CNTN5: variants seen among roughly 807,000 people sequenced by gnomAD.
The protein encoded by CNTN5 is contactin 5.
A neutral mutation model predicts 129.1 loss-of-function variants in CNTN5; 77 were observed. The observed-to-expected ratio is 0.60, with a 90% confidence interval of 0.50 to 0.72. The LOEUF (loss-of-function observed/expected upper bound fraction) is 0.72, where lower values mean the gene tolerates loss of function less well. Among genes scored for constraint, CNTN5 ranks in the 30% least tolerant of loss-of-function variants. The pLI, the probability that CNTN5 is intolerant of heterozygous loss-of-function variation, is 0.00. For missense variants in CNTN5, 1,478 were observed against 1,328.8 expected (o/e 1.11, Z -1.75); for synonymous variants, 509 against 465.6 (o/e 1.09, Z -1.20).
At chr11:99,996,838 C>T (rs1056791568) in intron 8 of CNTN5, among the ~76,000 whole-genome samples, 1 of 152,088 alleles carries the variant, frequency 6.6e-6, no homozygotes, top group Non-Finnish European at 1.5e-5. Context: ...TTAAAAGTCT[C>T]AGATTTCATG....
intron 20 of CNTN5, among the ~76,000 whole-genome samples, chr11:100,306,557 G>C (rs528467339): frequency 2.6e-5 from 4 of 151,660 alleles, no homozygotes; most frequent in Non-Finnish European, 4.4e-5. Flanking sequence ...AATAGCAAAC[G>C]ATATTCAAAG....
At chr11:99,609,555 A>G (rs977349854) in intron 3 of CNTN5, among the ~76,000 whole-genome samples, 2 of 152,134 alleles carry the variant, frequency 1.3e-5, no homozygotes, top group African/African-American at 4.8e-5. Flanking sequence ...TTAGGAATTG[A>G]TTATTAGGGA....
chr11:99,448,030 A>G (rs1218959730), intron 2 of CNTN5, among the ~76,000 whole-genome samples: 3 of 152,196 alleles, frequency 2.0e-5, no homozygotes, highest in Non-Finnish European at 4.4e-5. Context: ...ATTTGCTTGA[A>G]TAAATTATTT....
chr11:99,599,233 T>A (rs138862932), intron 3 of CNTN5, among the ~76,000 whole-genome samples: 5 of 152,008 alleles, frequency 3.3e-5, no homozygotes, highest in African/African-American at 1.2e-4. Context: ...ATTGAGGAAA[T>A]TGGATTTTAT....
At chr11:100,149,903 A>AAAAAG (rs1555022275) in intron 13 of CNTN5, among the ~76,000 whole-genome samples, 3 of 150,062 alleles carry the variant, frequency 2.0e-5, no homozygotes, top group Non-Finnish European at 2.9e-5. Context: ...CAAAAAAAAA[A>AAAAAG]AAAAGAAAAG....
intron 1 of CNTN5, among the ~76,000 whole-genome samples, chr11:99,217,583 G>C (rs1860194350): frequency 6.6e-6 from 1 of 152,134 alleles, no homozygotes; most frequent in Non-Finnish European, 1.5e-5. Context: ...GATGCACTTT[G>C]AGTAGCAAGG....
intron 3 of CNTN5, among the ~76,000 whole-genome samples, chr11:99,643,114 G>A (rs1320475585): frequency 2.6e-5 from 4 of 152,126 alleles, no homozygotes; most frequent in Admixed American, 6.6e-5. Flanking sequence ...GATATATAAG[G>A]TTTTAAAAAT....
intron 3 of CNTN5, among the ~76,000 whole-genome samples, chr11:99,677,738 A>G (rs1953354625): frequency 6.6e-6 from 1 of 152,134 alleles, no homozygotes; most frequent in African/African-American, 2.4e-5. Flanking sequence ...CAGAAATGGG[A>G]TGGGTTGGTG....
At chr11:99,704,121 A>T (rs1233486955) in intron 3 of CNTN5, among the ~76,000 whole-genome samples, 1 of 150,612 alleles carries the variant, frequency 6.6e-6, no homozygotes, top group African/African-American at 2.4e-5. Context: ...TAATAAACTC[A>T]TATGGTTTTC....
chr11:99,762,041 T>G (rs1329128556), intron 3 of CNTN5, among the ~76,000 whole-genome samples: 1 of 112,442 alleles, frequency 8.9e-6, no homozygotes, highest in Non-Finnish European at 2.0e-5. Flanking sequence ...TTTCATGTGT[T>G]TTTTGGCTGC....
intron 3 of CNTN5, among the ~76,000 whole-genome samples, chr11:99,592,548 A>G (rs1407926500): frequency 6.6e-6 from 1 of 152,178 alleles, no homozygotes; most frequent in African/African-American, 2.4e-5. Context: ...GAGTTGGGGA[A>G]GTGAAACAGA....
intron 2 of CNTN5, among the ~76,000 whole-genome samples, chr11:99,382,023 C>A (rs1485966799): frequency 6.6e-6 from 1 of 151,964 alleles, no homozygotes; most frequent in Non-Finnish European, 1.5e-5. Flanking sequence ...ACTGCAAGCT[C>A]TTGAAATTAG....
chr11:99,029,287 C>G (rs1379373700), intron 1 of CNTN5, among the ~76,000 whole-genome samples: 7 of 151,580 alleles, frequency 4.6e-5, no homozygotes, highest in Admixed American at 1.3e-4. Context: ...ATCTTTAGAA[C>G]ATCAGCATTT....
chr11:99,508,756 A>G (rs916471686), intron 2 of CNTN5, among the ~76,000 whole-genome samples: 10 of 150,856 alleles, frequency 6.6e-5, no homozygotes, highest in African/African-American at 2.4e-4. Flanking sequence ...ATCTCGGCTC[A>G]CTGTAACTTC....
chr11:99,357,221 G>A (rs1470660072), intron 2 of CNTN5, among the ~76,000 whole-genome samples: 3 of 152,028 alleles, frequency 2.0e-5, no homozygotes, highest in African/African-American at 7.3e-5. Context: ...CTAACACCTT[G>A]TTGCTTCTTA....
intron 2 of CNTN5, among the ~76,000 whole-genome samples, chr11:99,462,419 G>T (rs1201450039): frequency 7.2e-6 from 1 of 138,546 alleles, no homozygotes; most frequent in African/African-American, 2.7e-5. Context: ...AATTTCTAGA[G>T]AGACTTCTTC....
chr11:99,632,653 CAT>C (rs2135807850), intron 3 of CNTN5, among the ~76,000 whole-genome samples: 1 of 152,284 alleles, frequency 6.6e-6, no homozygotes, highest in South Asian at 2.1e-4. Flanking sequence ...TAGTTTCCCA[CAT>C]ATATTTAACA....
chr11:100,064,590 C>A (rs1447212415), intron 10 of CNTN5, among the ~76,000 whole-genome samples: 1 of 152,028 alleles, frequency 6.6e-6, no homozygotes, highest in Non-Finnish European at 1.5e-5. Flanking sequence ...GCATAAACTG[C>A]ATAAATATTC....
At chr11:100,291,784 A>AATAT (rs1298569239) in intron 18 of CNTN5, among the ~76,000 whole-genome samples, 1 of 53,000 alleles carries the variant, frequency 1.9e-5, no homozygotes, top group African/African-American at 4.5e-5. Context: ...TAAATAAATA[A>AATAT]ATAAAAAATA....
Sources: gnomAD v4.1 joint callset for allele counts (sites outside exome capture counted in the v4.1 genomes callset) on GRCh38, gnomAD v4.1.1 for gene constraint, MANE v1.5 for transcripts, NCBI Gene and HGNC (gene_info 2026-07-23, HGNC 2026-07-21) for gene names.